FSTL5: variants seen among roughly 807,000 people sequenced by gnomAD.
FSTL5 encodes follistatin like 5, also known as follistatin-related protein 5.
Under a neutral mutation model 89.1 loss-of-function variants are expected in FSTL5, and 62 were observed. The ratio of observed to expected loss-of-function variants is 0.70; its 90% CI spans 0.57 to 0.86. FSTL5 has a LOEUF of 0.86. Among genes scored for constraint, FSTL5 ranks in the 40% least tolerant of loss-of-function variants. FSTL5 has a pLI of 0.00. For missense variants in FSTL5, 1,057 were observed against 1,001.6 expected, an observed-to-expected ratio of 1.06 and a Z score of -0.75; for synonymous variants, 383 against 346.2, an observed-to-expected ratio of 1.11 and a Z score of -1.18.
chr4:161,432,970 A>G (rs1732432120), intron 15 of FSTL5, among the ~76,000 whole-genome samples: 1 of 151,996 alleles, frequency 6.6e-6, no homozygotes, highest in Admixed American at 6.6e-5. Context: ...CCCAGGACCC[A>G]ATGGCTTCAG....
At chr4:161,418,837 T>C (rs199862968) in intron 15 of FSTL5, among the ~76,000 whole-genome samples, 1 of 152,178 alleles carries the variant, frequency 6.6e-6, no homozygotes, top group African/African-American at 2.4e-5. Context: ...GGGAACAAAA[T>C]AGGCAACATA....
chr4:161,460,497 C>T lies in FSTL5; in HGVS notation c.1609-1178G>A, dbSNP rs962286559. Reference sequence around the variant, plus strand: ...AGTGAGGGATGAAGCTAGAAACCATCATCCTTAGAGAATTTTCTAAGTACT... The same window carrying T: ...AGTGAGGGATGAAGCTAGAAACCATTATCCTTAGAGAATTTTCTAAGTACT... On this transcript the variant is annotated intron_variant, in intron 13 of 15. Coordinates refer to ENST00000306100, the MANE Select transcript of FSTL5 (RefSeq NM_020116.5). Among the ~76,000 whole-genome samples, 27 of 91,328 alleles carry T rather than the reference C, an allele frequency of 3.0e-4. 2 individuals are homozygous for T. Among genetic ancestry groups the T allele is most frequent in the African/African-American group, 7.4e-4 (24 of 32,290 alleles). The allele number at this position is 91,328 out of a possible 152,430, so 59.9% of individuals were successfully genotyped here.
chr4:162,157,908 C>T (rs1219078717), intron 1 of FSTL5, among the ~76,000 whole-genome samples: 4 of 152,008 alleles, frequency 2.6e-5, no homozygotes. Context: ...CAGCTAGTGG[C>T]CAGTATTTCC....
At chr4:161,787,123 GA>G (rs1741932808) in intron 4 of FSTL5, among the ~76,000 whole-genome samples, 1 of 152,054 alleles carries the variant, frequency 6.6e-6, no homozygotes, top group African/African-American at 2.4e-5. Context: ...GCCATCAATA[GA>G]AATTCAGTTT....
At chr4:161,485,662 C>T (rs1262497888) in intron 12 of FSTL5, among the ~76,000 whole-genome samples, 1 of 151,992 alleles carries the variant, frequency 6.6e-6, no homozygotes, top group Non-Finnish European at 1.5e-5. Flanking sequence ...CTGAGTAGTT[C>T]TATACAACAG....
chr4:161,752,430 G>A (rs1740429852), intron 6 of FSTL5, among the ~76,000 whole-genome samples: 1 of 152,228 alleles, frequency 6.6e-6, no homozygotes, highest in East Asian at 1.9e-4. Flanking sequence ...ATGCTTATAT[G>A]TTCTGCTTCT....
At chr4:161,869,938 T>A (rs533602911) in intron 4 of FSTL5, among the ~76,000 whole-genome samples, 1 of 152,302 alleles carries the variant, frequency 6.6e-6, no homozygotes, top group East Asian at 1.9e-4. Context: ...TCTTTACCTC[T>A]CCTTTCCTCC....
Position 161,932,755 on chromosome 4 carries a change from C to T in FSTL5, c.161-12103G>A, listed in dbSNP as rs191112503. 1.2e-3 allele frequency among the ~76,000 whole-genome samples: 186 copies of T among 151,956 alleles called. 1 individual carries two copies. The highest frequency in any genetic ancestry group is 4.2e-3 in the African/African-American group (174 of 41,492). Reference sequence around the variant, plus strand: ...TTTATGTCTTTTGCAAATTTGAAATCTTCACTCATTCATAAAATAAAATTA... The same window carrying T: ...TTTATGTCTTTTGCAAATTTGAAATTTTCACTCATTCATAAAATAAAATTA... On this transcript the variant is annotated intron_variant, in intron 3 of 15. Coordinates refer to ENST00000306100, the MANE Select transcript of FSTL5 (RefSeq NM_020116.5).
chr4:162,073,882 C>A (rs1729728551), intron 2 of FSTL5, among the ~76,000 whole-genome samples: 2 of 151,630 alleles, frequency 1.3e-5, no homozygotes. Context: ...ATCCTCAGGC[C>A]AATACATTTT....
intron 8 of FSTL5, among the ~76,000 whole-genome samples, chr4:161,548,291 A>G (rs528338457): frequency 2.1e-4 from 32 of 152,016 alleles, no homozygotes; most frequent in African/African-American, 6.3e-4. Context: ...GTTGACACAG[A>G]TGGACAACAT....
At chr4:161,569,621 CA>C (rs1732932661) in intron 8 of FSTL5, among the ~76,000 whole-genome samples, 1 of 151,960 alleles carries the variant, frequency 6.6e-6, no homozygotes, top group South Asian at 2.1e-4. Flanking sequence ...TCCATCACAA[CA>C]TAAATAGTAG....
intron 15 of FSTL5, among the ~76,000 whole-genome samples, chr4:161,439,744 C>T (rs944713237): frequency 6.6e-6 from 1 of 152,152 alleles, no homozygotes; most frequent in Non-Finnish European, 1.5e-5. Context: ...CCCACACGCA[C>T]ACGTGTGCCT....
chr4:161,827,158 G>A (rs1730693672), intron 4 of FSTL5, among the ~76,000 whole-genome samples: 1 of 152,112 alleles, frequency 6.6e-6, no homozygotes, highest in African/African-American at 2.4e-5. Context: ...CCCTTGATGT[G>A]GTGTTCTCCC....
intron 11 of FSTL5, among the ~76,000 whole-genome samples, chr4:161,505,404 A>T (rs1030489759): frequency 6.6e-6 from 1 of 152,056 alleles, no homozygotes. Context: ...AAAGTTTTTT[A>T]GGAGTGAGTG....
At chr4:161,917,507 C>G (rs1375194799) in intron 4 of FSTL5, among the ~76,000 whole-genome samples, 1 of 151,994 alleles carries the variant, frequency 6.6e-6, no homozygotes, top group East Asian at 1.9e-4. Context: ...ATTATTATAG[C>G]ACAATATCCT....
rs182891608 is a variant in FSTL5, at chr4:161,912,524, T to C, written c.409+7880A>G. On this transcript the variant is annotated intron_variant, in intron 4 of 15. Transcript: ENST00000306100. The stretch of plus-strand genomic sequence containing the variant: ...CCTCATTTTTCTCTTGCCGCTGCCA[T>C]GTAAGAAGTGCCTTTCACCTTCCAC... 2.1e-3 allele frequency among the ~76,000 whole-genome samples: 325 copies of C among 152,282 alleles called. 1 individual carries two copies. The highest frequency in any genetic ancestry group is 0.014 in the Middle Eastern group (4 of 294).
intron 2 of FSTL5, among the ~76,000 whole-genome samples, chr4:162,110,903 G>GTTATTTA (rs1731409188): frequency 1.3e-5 from 2 of 151,680 alleles, no homozygotes; most frequent in African/African-American, 4.8e-5. Flanking sequence ...GCTAAGCATA[G>GTTATTTA]GACATAACAC....
intron 4 of FSTL5, among the ~76,000 whole-genome samples, chr4:161,877,936 G>C (rs934102116): frequency 4.0e-5 from 6 of 151,664 alleles, no homozygotes; most frequent in Non-Finnish European, 8.8e-5. Context: ...TTACAGGCAT[G>C]AGTAACTGCG....
chr4:161,617,592 A>C (rs1351982816), intron 7 of FSTL5, among the ~76,000 whole-genome samples: 1 of 152,194 alleles, frequency 6.6e-6, no homozygotes, highest in African/African-American at 2.4e-5. Context: ...CTGAAATTAA[A>C]GGATGAAGAG....
Sources: gnomAD v4.1 joint callset for allele counts (sites outside exome capture counted in the v4.1 genomes callset) on GRCh38, gnomAD v4.1.1 for gene constraint, MANE v1.5 for transcripts, NCBI Gene and HGNC (gene_info 2026-07-23, HGNC 2026-07-21) for gene names.